AGBL4: variants seen among roughly 807,000 people sequenced by gnomAD.
The protein encoded by AGBL4 is cytosolic carboxypeptidase 6.
AGBL4 carries 58 observed loss-of-function variants against 66.4 expected under a neutral mutation model. The ratio of observed to expected loss-of-function variants is 0.87; its 90% CI spans 0.71 to 1.09. The LOEUF (loss-of-function observed/expected upper bound fraction) is 1.09, where lower values mean the gene tolerates loss of function less well. Ranked by LOEUF, AGBL4 falls within the 50% of genes least tolerant of loss-of-function variation. The pLI, the probability that AGBL4 is intolerant of heterozygous loss-of-function variation, is 0.00. For missense variants in AGBL4, 579 were observed against 631.0 expected (o/e 0.92, Z 0.88); for synonymous variants, 234 against 222.9 (o/e 1.05, Z -0.44).
intron 2 of AGBL4, among the ~76,000 whole-genome samples, chr1:49,772,005 T>C (rs1644073647): frequency 6.6e-6 from 1 of 152,084 alleles, no homozygotes; most frequent in Non-Finnish European, 1.5e-5. Context: ...GATGTACTCC[T>C]GCCATTATAT....
rs113289468 is a variant in AGBL4, at chr1:49,597,266, C to A, written c.282+100047G>T. The stretch of plus-strand genomic sequence containing the variant: ...TTACAGATATGCTGGACAAAATAGA[C>A]ATTATCTGTGTCTTAAATAGCTTAC... On this transcript the variant is annotated intron_variant, in intron 3 of 13. Transcript: ENST00000371839. Among the ~76,000 whole-genome samples the A allele has an allele frequency of 2.6e-3, 400 of 152,258 alleles. 5 individuals carry two copies. The highest frequency in any genetic ancestry group is 9.0e-3 in the African/African-American group (376 of 41,552).
rs1491116435 is a variant in AGBL4, at chr1:48,871,385, GTT to G, written c.595-4157_595-4156del. Reference sequence around the variant, plus strand: ...TGTGTGTGTGTGTGTGTGTGTGTGTGTTTGTGTGTGTATGTGCGTTTGGGGTC... The same window carrying G: ...TGTGTGTGTGTGTGTGTGTGTGTGTGTGTGTGTGTATGTGCGTTTGGGGTC... On this transcript the variant is annotated intron_variant, in intron 5 of 13. Coordinates refer to ENST00000371839, the MANE Select transcript of AGBL4 (RefSeq NM_032785.4). Among the ~76,000 whole-genome samples the G allele has an allele frequency of 6.0e-3, 890 of 148,700 alleles. 10 individuals carry two copies. The highest frequency in any genetic ancestry group is 0.022 in the African/African-American group (850 of 39,026).
chr1:48,962,036 C>G (rs1571107402), intron 5 of AGBL4, among the ~76,000 whole-genome samples: 1 of 152,118 alleles, frequency 6.6e-6, no homozygotes, highest in Non-Finnish European at 1.5e-5. Flanking sequence ...CATGTGCAGT[C>G]AATGTATAGA....
chr1:49,579,198 C>T (rs1242845995), intron 3 of AGBL4, among the ~76,000 whole-genome samples: 2 of 152,158 alleles, frequency 1.3e-5, no homozygotes, highest in African/African-American at 2.4e-5. Context: ...TAAGTTAACA[C>T]TTAATAAACT....
chr1:49,367,618 A>G (rs1275953980), intron 3 of AGBL4, among the ~76,000 whole-genome samples: 1 of 152,212 alleles, frequency 6.6e-6, no homozygotes, highest in African/African-American at 2.4e-5. Context: ...AACTTGTTCC[A>G]AAGATCCCAC....
At chr1:48,934,645 C>A (rs1347155347) in intron 5 of AGBL4, among the ~76,000 whole-genome samples, 3 of 152,142 alleles carry the variant, frequency 2.0e-5, no homozygotes, top group Non-Finnish European at 2.9e-5. Context: ...CATCACCACC[C>A]ACCTGGTTCC....
chr1:49,580,206 A>G (rs774842345), intron 3 of AGBL4, among the ~76,000 whole-genome samples: 2 of 152,002 alleles, frequency 1.3e-5, no homozygotes, highest in African/African-American at 2.4e-5. Context: ...ATGTGTCTTT[A>G]TAAGTAAGAA....
chr1:49,612,112 A>C (rs557003614), intron 3 of AGBL4, among the ~76,000 whole-genome samples: 2 of 152,248 alleles, frequency 1.3e-5, no homozygotes, highest in African/African-American at 2.4e-5. Context: ...GAAATCTTCC[A>C]AATCTATGAT....
At chr1:49,822,858 G>A (rs1345557371) in intron 2 of AGBL4, among the ~76,000 whole-genome samples, 3 of 152,152 alleles carry the variant, frequency 2.0e-5, no homozygotes, top group Non-Finnish European at 2.9e-5. Flanking sequence ...TTCTACCTGG[G>A]CACACAAATA....
intron 6 of AGBL4, among the ~76,000 whole-genome samples, chr1:48,668,782 GACA>G (rs1320036558): frequency 1.3e-5 from 2 of 151,572 alleles, no homozygotes; most frequent in African/African-American, 4.9e-5. Flanking sequence ...TGATGAGACA[GACA>G]ATAAAGAGGG....
Position 49,929,252 on chromosome 1 carries a change from C to T in AGBL4, c.35-77734G>A, listed in dbSNP as rs545567618. 4.6e-4 allele frequency among the ~76,000 whole-genome samples: 70 copies of T among 152,118 alleles called. 1 individual carries two copies. The highest frequency in any genetic ancestry group is 1.5e-3 in the African/African-American group (63 of 41,508). On this transcript the variant is annotated intron_variant, in intron 1 of 13. Coordinates refer to ENST00000371839, the MANE Select transcript of AGBL4 (RefSeq NM_032785.4). Reference sequence around the variant, plus strand: ...ACAGGTTCAATTGTACTCCAAACCTCAGCATCACACAATATACCTTTGTAA... The same window carrying T: ...ACAGGTTCAATTGTACTCCAAACCTTAGCATCACACAATATACCTTTGTAA...
chr1:49,836,268 T>C (rs527741497), intron 2 of AGBL4, among the ~76,000 whole-genome samples: 2 of 152,280 alleles, frequency 1.3e-5, no homozygotes, highest in South Asian at 4.1e-4. Flanking sequence ...GGAGGCTTTG[T>C]TCATTCCTTT....
chr1:49,677,082 G>T (rs1272416406), intron 3 of AGBL4, among the ~76,000 whole-genome samples: 1 of 151,802 alleles, frequency 6.6e-6, no homozygotes, highest in African/African-American at 2.4e-5. Flanking sequence ...AACAGTTTAG[G>T]AAACATTACC....
intron 2 of AGBL4, among the ~76,000 whole-genome samples, chr1:49,748,421 T>TTTGG: frequency 1.3e-5 from 2 of 152,330 alleles, no homozygotes; most frequent in South Asian, 4.1e-4. Context: ...TGATGGGCAT[T>TTTGG]TTGGTTGGTT....
At chr1:48,759,322 G>A (rs1344974600) in intron 6 of AGBL4, 16 of 1,537,136 alleles carry the variant, frequency 1.0e-5, no homozygotes, top group Non-Finnish European at 1.3e-5. Flanking sequence ...GGCAAGGGCA[G>A]CTGGGATTTT....
chr1:48,550,878 G>T (rs1338159347), intron 11 of AGBL4, among the ~76,000 whole-genome samples: 1 of 152,168 alleles, frequency 6.6e-6, no homozygotes, highest in Non-Finnish European at 1.5e-5. Context: ...GGCATTATTT[G>T]CTGCCTCTCA....
chr1:50,020,089 T>C (rs1224673704), intron 1 of AGBL4, among the ~76,000 whole-genome samples: 1 of 151,932 alleles, frequency 6.6e-6, no homozygotes, highest in Non-Finnish European at 1.5e-5. Context: ...CCCTTATTCC[T>C]CCAAGAAATT....
chr1:49,088,254 T>G (rs186832558), intron 4 of AGBL4, among the ~76,000 whole-genome samples: 1 of 152,320 alleles, frequency 6.6e-6, no homozygotes, highest in East Asian at 1.9e-4. Flanking sequence ...TGAATGTAAA[T>G]GAGCTAAATA....
chr1:48,815,059 A>T (rs139670028), intron 6 of AGBL4, among the ~76,000 whole-genome samples: 366 of 152,290 alleles, frequency 2.4e-3, no homozygotes, highest in African/African-American at 8.1e-3. Flanking sequence ...CCTTTCCAGC[A>T]TTTATTATTT....
Sources: gnomAD v4.1 joint callset for allele counts (sites outside exome capture counted in the v4.1 genomes callset) on GRCh38, gnomAD v4.1.1 for gene constraint, MANE v1.5 for transcripts, NCBI Gene and HGNC (gene_info 2026-07-23, HGNC 2026-07-21) for gene names.